Variants in SPAG1 observed in about 807,000 individuals in gnomAD.
SPAG1 encodes sperm-associated antigen 1.
A neutral mutation model predicts 100.5 loss-of-function variants in SPAG1; 69 were observed. The observed-to-expected ratio is 0.69, with a 90% CI of 0.57 to 0.84. The LOEUF (loss-of-function observed/expected upper bound fraction) is 0.84, where lower values mean the gene tolerates loss of function less well. Ranked by LOEUF, SPAG1 falls within the 40% of genes least tolerant of loss-of-function variation. The pLI is 0.00. For synonymous variants in SPAG1, 336 were observed against 411.6 expected (o/e 0.82, Z 2.22); for missense variants, 955 against 1,133.1 (o/e 0.84, Z 2.26).
intron 8 of SPAG1, among the ~76,000 whole-genome samples, chr8:100,190,093 G>A (rs796496440): frequency 2.0e-5 from 3 of 152,156 alleles, no homozygotes; most frequent in African/African-American, 4.8e-5. Flanking sequence ...GGCGGATCAC[G>A]AGGTCAGGAG....
At chr8:100,234,244 A>G (rs866651136) in intron 16 of SPAG1, among the ~76,000 whole-genome samples, 2 of 152,220 alleles carry the variant, frequency 1.3e-5, no homozygotes, top group East Asian at 3.8e-4. Context: ...GTGTAATACA[A>G]TGAAGTTCAT....
chr8:100,163,658 A>G (rs1815417053), intron 2 of SPAG1, among the ~76,000 whole-genome samples: 1 of 151,758 alleles, frequency 6.6e-6, no homozygotes, highest in Admixed American at 6.6e-5. Context: ...ATTCCTTATC[A>G]CTGGGTTCTT....
At chr8:100,225,908 C>T (rs1818490318) in intron 14 of SPAG1, among the ~76,000 whole-genome samples, 1 of 151,748 alleles carries the variant, frequency 6.6e-6, no homozygotes, top group South Asian at 2.1e-4. Context: ...TCACGGTTCA[C>T]TGCAGTCTCG....
chr8:100,185,607 A>G (rs561835048), intron 7 of SPAG1, among the ~76,000 whole-genome samples: 2 of 152,362 alleles, frequency 1.3e-5, no homozygotes, highest in South Asian at 2.1e-4. Context: ...AAATATGTAT[A>G]TGAACTTCTG....
intron 10 of SPAG1, among the ~76,000 whole-genome samples, chr8:100,207,760 C>T (rs1314756531): frequency 6.6e-6 from 1 of 152,216 alleles, no homozygotes; most frequent in Non-Finnish European, 1.5e-5. Flanking sequence ...TTGACCAAGG[C>T]ACTCACTTTA....
chr8:100,224,704 A>G (rs953462586), intron 13 of SPAG1, among the ~76,000 whole-genome samples: 1 of 152,204 alleles, frequency 6.6e-6, no homozygotes, highest in Non-Finnish European at 1.5e-5. Context: ...AGTCTTGTAC[A>G]CCTGTTGTCA....
chr8:100,197,184 C>A (rs1225481385), intron 10 of SPAG1, among the ~76,000 whole-genome samples: 2 of 152,102 alleles, frequency 1.3e-5, no homozygotes, highest in Non-Finnish European at 2.9e-5. Flanking sequence ...TTAAGCCAGG[C>A]ACAGTGGCAT....
At chr8:100,213,944 C>T in intron 12 of SPAG1, 26 bp downstream of exon 12, 1 of 1,300,738 alleles carries the variant, frequency 7.7e-7, no homozygotes, top group Non-Finnish European at 1.1e-6. Flanking sequence ...TCAGGTTTGT[C>T]AAGAGATTGT....
At chr8:100,220,215 G>T in intron 12 of SPAG1, 64 bp from the exon 13 acceptor site, 2 of 1,383,696 alleles carry the variant, frequency 1.4e-6, no homozygotes, top group Non-Finnish European at 1.0e-6. Context: ...TATCTATTCA[G>T]TGAAGTATAA....
chr8:100,211,058 C>A (rs1817699141), intron 10 of SPAG1, among the ~76,000 whole-genome samples: 1 of 151,974 alleles, frequency 6.6e-6, no homozygotes, highest in African/African-American at 2.4e-5. Flanking sequence ...GAACTCCTGA[C>A]CTTGTGATCT....
chr8:100,202,749 G>A (rs1040138474), intron 10 of SPAG1, among the ~76,000 whole-genome samples: 4 of 145,896 alleles, frequency 2.7e-5, no homozygotes, highest in South Asian at 2.2e-4. Flanking sequence ...GAATCAACTG[G>A]CCATAGATGT....
chr8:100,225,635 GT>G (rs908848795), intron 14 of SPAG1, among the ~76,000 whole-genome samples: 48 of 149,970 alleles, frequency 3.2e-4, no homozygotes, highest in Admixed American at 3.0e-3. Context: ...ATTTTAGTGG[GT>G]TTTTTTTTGT....
intron 10 of SPAG1, among the ~76,000 whole-genome samples, chr8:100,208,861 AT>A (rs1217928406): frequency 1.3e-5 from 2 of 152,166 alleles, no homozygotes; most frequent in Non-Finnish European, 2.9e-5. Flanking sequence ...TTATTTGAAG[AT>A]TATGTATAAT....
At chr8:100,174,392 G>A (rs1388206019) in intron 3 of SPAG1, among the ~76,000 whole-genome samples, 1 of 152,164 alleles carries the variant, frequency 6.6e-6, no homozygotes, top group Non-Finnish European at 1.5e-5. Flanking sequence ...TAAATAGGTT[G>A]AGGAGGAGGA....
At chr8:100,188,816 G>T (rs1816692691) in intron 8 of SPAG1, among the ~76,000 whole-genome samples, 1 of 152,172 alleles carries the variant, frequency 6.6e-6, no homozygotes, top group Non-Finnish European at 1.5e-5. Context: ...GTGCTAAGGG[G>T]AAGCCTGGTG....
intron 10 of SPAG1, among the ~76,000 whole-genome samples, chr8:100,202,590 GT>G (rs1817328211): frequency 1.3e-5 from 2 of 150,130 alleles, no homozygotes. Context: ...GGCGCCTGTA[GT>G]CCCAGCTACT....
intron 15 of SPAG1, chr8:100,233,118 G>GCA: frequency 3.2e-6 from 1 of 312,916 alleles, no homozygotes; most frequent in East Asian, 1.0e-4. Flanking sequence ...TGAATCTGAT[G>GCA]TAGTTCTCAG....
chr8:100,234,192 T>C (rs1169390526), intron 16 of SPAG1, among the ~76,000 whole-genome samples: 1 of 152,120 alleles, frequency 6.6e-6, no homozygotes, highest in East Asian at 1.9e-4. Context: ...TATTGGAAAA[T>C]AGTACTTCCT....
chr8:100,205,172 C>A (rs2439465), intron 10 of SPAG1, among the ~76,000 whole-genome samples: 49,836 of 152,018 alleles, frequency 0.33, 8,799 homozygotes, highest in East Asian at 0.51. Context: ...AGTTTGCAGA[C>A]CCAGAACCCC....
Sources: gnomAD v4.1 joint callset for allele counts (sites outside exome capture counted in the v4.1 genomes callset) on GRCh38, gnomAD v4.1.1 for gene constraint, MANE v1.5 for transcripts, NCBI Gene and HGNC (gene_info 2026-07-23, HGNC 2026-07-21) for gene names.